The following FAM83C variants were observed in gnomAD, a reference collection of about 807,000 sequenced individuals.
The protein encoded by FAM83C is scaffolding CK1 anchoring protein C.
FAM83C carries 23 observed loss-of-function variants against 27.1 expected under a neutral mutation model. That is an observed-to-expected ratio of 0.85 (90% CI 0.61 to 1.20). FAM83C has a LOEUF of 1.20. FAM83C is among the 50% of genes most tolerant of loss of function. The pLI, the probability that FAM83C is intolerant of heterozygous loss-of-function variation, is 0.00. For missense variants in FAM83C, 984 were observed against 1,001.3 expected (o/e 0.98, Z 0.23); for synonymous variants, 426 against 423.1 (o/e 1.01, Z -0.09).
Position 35,286,344 on chromosome 20 carries a change from T to C in FAM83C, c.*191A>G. The stretch of plus-strand genomic sequence containing the variant: ...GAAACACAGCCTAGATTCAAGAAGA[T>C]ACTAGTTAGGGTGTGTGTGTGTGTG... On this transcript the variant is annotated 3_prime_UTR_variant, in exon 4 of 4. Transcript: ENST00000374408. 1.7e-6 allele frequency: 1 copy of C among 593,506 alleles called. No homozygotes were observed. Among genetic ancestry groups the C allele is most frequent in the South Asian group, 2.2e-5 (1 of 46,214 alleles). The allele number at this position is 593,506 out of a possible 1,614,324, so 36.8% of individuals were successfully genotyped here. A position where few individuals can be genotyped will look rare whatever the true frequency, so the allele number is the denominator to read the frequency against.
chr20:35,286,759 T>C lies in FAM83C; in HGVS notation c.2020A>G (p.Thr674Ala). The change falls in exon 4 of 4, where the codon ACC becomes GCC. Residue 674 changes from threonine to alanine, a missense_variant. Transcript: ENST00000374408. ...AGGTCCAGCTTGCTGTGGCCCAGGG[T>C]TAGCCGTTTCTCATCCCCAGACCCA... is the stretch of plus-strand genomic sequence containing the variant. ...GAGSGDEKRL[T>A]LGHSKLDLIT... 6.2e-7 allele frequency: 1 copy of C among 1,614,152 alleles called. No individual in the cohort carries two copies. Among genetic ancestry groups the C allele is most frequent in the Non-Finnish European group, 8.5e-7 (1 of 1,179,996 alleles).
rs1215457785 is a variant in FAM83C, at chr20:35,292,039, G to A, written c.266C>T (p.Pro89Leu). 3 of 1,613,006 alleles carry A rather than the reference G, an allele frequency of 1.9e-6. No individual in the cohort carries two copies. Among genetic ancestry groups the A allele is most frequent in the South Asian group, 1.1e-5 (1 of 91,080 alleles). Residue 89 changes from proline (P) to leucine (L), a missense_variant, in exon 1 of 4, where the codon CCT (proline) becomes CTT (leucine). Coordinates refer to ENST00000374408, the MANE Select transcript of FAM83C (RefSeq NM_178468.6). Reference sequence around the variant, plus strand: ...CTGCCCCTGAGCCTCGCTGAGCTCAGGGCCCCCGCGCACATGGCTGGTCAT... The same window carrying A: ...CTGCCCCTGAGCCTCGCTGAGCTCAAGGCCCCCGCGCACATGGCTGGTCAT... ...DYMTSHVRGG[P>L]ELSEAQGQEA...
Position 35,292,394 on chromosome 20 carries a change from C to A in FAM83C, c.-90G>T. ...CAGGAAGAGGAGACCAGCAGAACCG[C>A]CTTCTGCCCGCCCGCTCGCTGTGTG... On this transcript the variant is annotated 5_prime_UTR_variant, in exon 1 of 4. Transcript: ENST00000374408. 7.0e-7 allele frequency: 1 copy of A among 1,420,624 alleles called. No homozygotes were observed. Among genetic ancestry groups the A allele is most frequent in the Non-Finnish European group, 9.2e-7 (1 of 1,090,518 alleles). 88.0% of individuals were successfully genotyped at this position (1,420,624 alleles called of 1,614,324 possible). A position where few individuals can be genotyped will look rare whatever the true frequency, so the allele number is the denominator to read the frequency against.
At chr20:35,289,363 C>T (rs2060839916) in intron 1 of FAM83C, among the ~76,000 whole-genome samples, 1 of 150,144 alleles carries the variant, frequency 6.7e-6, no homozygotes, top group Non-Finnish European at 1.5e-5. Context: ...TTTTTTGAGA[C>T]AGAGTCTCAC....
chr20:35,291,268 G>A (rs117431026), intron 1 of FAM83C, among the ~76,000 whole-genome samples: 8 of 152,186 alleles, frequency 5.3e-5, no homozygotes, highest in Non-Finnish European at 1.0e-4. Context: ...GGGCCGGACT[G>A]GTCCCCAGGA....
chr20:35,287,254 C>A lies in FAM83C; in HGVS notation c.1525G>T (p.Asp509Tyr), dbSNP rs763682911. The A allele has an allele frequency of 8.1e-6, 13 of 1,613,110 alleles. No homozygotes were observed. The highest frequency in any genetic ancestry group is 1.0e-5 in the Non-Finnish European group (12 of 1,180,046). Residue 509 changes from aspartate to tyrosine, a missense_variant, in exon 4 of 4, where the codon GAT becomes TAT. By Grantham distance (160) the Asp-to-Tyr change is radical. Transcript: ENST00000374408. ...GCTCTGGGGAAGGGGACAAGGAGAT[C>A]CAGCTGGCCACGGCTCTGACTTGGA... ...ASPSQSRGQLDLLVPFPRARE... is the reference protein window; with the variant it reads ...ASPSQSRGQLYLLVPFPRARE...
At position 35,287,797 on chromosome 20, in the gene FAM83C, C is replaced by A; in HGVS notation, c.982G>T (p.Ala328Ser). ...GGGACATCAGGCCTGAAGGCTAGGGCCACAGGGGGAGGACGCAGTGCCCGG... is the reference window on the plus strand; with the variant it reads ...GGGACATCAGGCCTGAAGGCTAGGGACACAGGGGGAGGACGCAGTGCCCGG... ...SPRALRPPPV[A>S]LAFRPDVPSP... is the part of the protein sequence containing the mutation. Residue 328 changes from alanine to serine, a missense_variant, in exon 4 of 4, where the codon GCC becomes TCC. Ala to Ser is a moderately conservative substitution (Grantham distance 99, BLOSUM62 1). Transcript: ENST00000374408. The A allele has an allele frequency of 6.2e-7, 1 of 1,603,304 alleles. No homozygotes were observed. The highest frequency in any genetic ancestry group is 8.5e-7 in the Non-Finnish European group (1 of 1,174,552).
chr20:35,287,997 C>T lies in FAM83C; in HGVS notation c.807-25G>A, dbSNP rs966744289. 3.2e-6 allele frequency: 5 copies of T among 1,552,520 alleles called. No individual in the cohort carries two copies. In the African/African-American group the frequency reaches 6.8e-5, roughly 21 times the overall value. ...GCTGGGGGCAGAGGGACAGGGGGGT[C>T]AGGAGGCAAAGTGCAGGATCCTGGG... On this transcript the variant is annotated intron_variant, in intron 3 of 3. Coordinates refer to ENST00000374408, the MANE Select transcript of FAM83C (RefSeq NM_178468.6).
chr20:35,291,262 C>A (rs554140314), intron 1 of FAM83C, among the ~76,000 whole-genome samples: 3 of 152,288 alleles, frequency 2.0e-5, no homozygotes, highest in South Asian at 4.1e-4. Flanking sequence ...CAAGGAGGGC[C>A]GGACTGGTCC....
At chr20:35,291,241 A>T (rs985187292) in intron 1 of FAM83C, among the ~76,000 whole-genome samples, 1 of 152,130 alleles carries the variant, frequency 6.6e-6, no homozygotes, top group African/African-American at 2.4e-5. Flanking sequence ...GCAACTAGGG[A>T]CCTGAGCCAG....
intron 3 of FAM83C, 120 bp downstream of exon 3, chr20:35,288,341 T>G: frequency 6.6e-7 from 1 of 1,525,034 alleles, no homozygotes; most frequent in South Asian, 1.3e-5. Context: ...CCTGGCATGA[T>G]GCCTGGCACA....
intron 1 of FAM83C, 150 bp downstream of exon 1, chr20:35,291,642 C>T: frequency 1.0e-6 from 1 of 998,272 alleles, no homozygotes; most frequent in Non-Finnish European, 1.5e-6. Flanking sequence ...TGGGATGTCC[C>T]CCTTCTAGGA....
At chr20:35,291,262 C>T (rs554140314) in intron 1 of FAM83C, among the ~76,000 whole-genome samples, 11 of 152,288 alleles carry the variant, frequency 7.2e-5, no homozygotes, top group African/African-American at 2.4e-4. Context: ...CAAGGAGGGC[C>T]GGACTGGTCC....
At chr20:35,291,102 A>G (rs2060845568) in intron 1 of FAM83C, among the ~76,000 whole-genome samples, 1 of 152,198 alleles carries the variant, frequency 6.6e-6, no homozygotes, top group Admixed American at 6.5e-5. Context: ...CACTGAGCCC[A>G]GCAGCCTCCT....
chr20:35,288,354 G>A (rs1356312340), intron 3 of FAM83C, 107 bp downstream of exon 3: 2 of 1,545,098 alleles, frequency 1.3e-6, no homozygotes, highest in Admixed American at 1.8e-5. Flanking sequence ...CTGGCACATG[G>A]CAGGTACTCA....
In FAM83C at chr20:35,287,488, G is replaced by T; in HGVS notation, c.1291C>A (p.His431Asn). The T allele has an allele frequency of 1.2e-6, 2 of 1,614,210 alleles. No individual in the cohort carries two copies. Among genetic ancestry groups the T allele is most frequent in the Non-Finnish European group, 1.7e-6 (2 of 1,180,034 alleles). The change falls in exon 4 of 4, where the codon CAT becomes AAT. Residue 431 changes from histidine to asparagine, a missense_variant. By Grantham distance (68) the His-to-Asn change is moderately conservative. Coordinates refer to ENST00000374408, the MANE Select transcript of FAM83C (RefSeq NM_178468.6). ...PWSQSSPALN[H>N]NSTSPLTLAV... ...AAGGTTAAGGGGCTGGTACTATTAT[G>T]GTTGAGGGCAGGGGAGGACTGGGAC...
At chr20:35,290,736 G>A (rs1051935457) in intron 1 of FAM83C, among the ~76,000 whole-genome samples, 2 of 152,212 alleles carry the variant, frequency 1.3e-5, no homozygotes, top group Non-Finnish European at 2.9e-5. Flanking sequence ...GGGGGAACAA[G>A]GACAGGCAGG....
In FAM83C at chr20:35,287,577, G is replaced by T; in HGVS notation, c.1202C>A (p.Pro401His). The T allele has an allele frequency of 6.2e-7, 1 of 1,614,156 alleles. No individual in the cohort carries two copies. Among genetic ancestry groups the T allele is most frequent in the South Asian group, 1.1e-5 (1 of 91,080 alleles). Residue 401 changes from proline (P) to histidine (H), a missense_variant, in exon 4 of 4, where the codon CCT becomes CAT. By Grantham distance (77) the Pro-to-His change is moderately conservative. Transcript: ENST00000374408. The part of the protein sequence containing the change: ...QPSLHRQLSD[P>H]NHGSPPGLYR... Reference sequence around the variant, plus strand: ...GAGCCCAGGAGGGGAGCCGTGGTTAGGGTCTGACAGTTGGCGATGTAGGGA... The same window carrying T: ...GAGCCCAGGAGGGGAGCCGTGGTTATGGTCTGACAGTTGGCGATGTAGGGA...
rs2060848046 is a variant in FAM83C at position 35,291,905 on chromosome 20, CGGGCCAGCCCAGGTCCAGGTCT to C, written c.378_399del (p.Asp127ArgfsTer43). 6.2e-7 allele frequency: 1 copy of C among 1,613,076 alleles called. No individual in the cohort carries two copies. Among genetic ancestry groups the C allele is most frequent in the African/African-American group, 1.3e-5 (1 of 75,028 alleles). On this transcript the variant is annotated frameshift_variant, in exon 1 of 4. Coordinates refer to ENST00000374408, the MANE Select transcript of FAM83C (RefSeq NM_178468.6). LOFTEE classifies it high-confidence loss of function. ...CTGAAGCCTGTGGCCTGTGGCACCT[CGGGCCAGCCCAGGTCCAGGTCT>C]GGGGGGTCTATGTCAGAGGCCATGG...
Sources: allele counts gnomAD v4.1 joint callset (sites outside exome capture counted in the v4.1 genomes callset), GRCh38; gene constraint gnomAD v4.1.1; transcripts MANE v1.5; gene names NCBI Gene and HGNC (gene_info 2026-07-23, HGNC 2026-07-21).